EXOSC9: variants seen among roughly 807,000 people sequenced by gnomAD.
The protein encoded by EXOSC9 is exosome complex component RRP45.
In EXOSC9, 38 loss-of-function variants were observed where a neutral mutation model predicts 56.5. The ratio of observed to expected loss-of-function variants is 0.67; its 90% CI spans 0.52 to 0.88. EXOSC9 has a LOEUF of 0.88. EXOSC9 is among the 40% of genes least tolerant of loss of function. EXOSC9 has a pLI of 0.00. For missense variants in EXOSC9, 559 were observed against 530.5 expected (o/e 1.05, Z -0.53); for synonymous variants, 170 against 170.8 (o/e 0.99, Z 0.04).
chr4:121,809,848 A>C, intron 6 of EXOSC9, 119 bp from the exon 7 acceptor site: 1 of 1,142,488 alleles, frequency 8.8e-7, no homozygotes, highest in Non-Finnish European at 1.3e-6. Context: ...CCAAATCCGT[A>C]GGCTCAGACC....
At position 121,809,988 on chromosome 4, in the gene EXOSC9, C is replaced by T; in HGVS notation, c.627C>T (p.Pro209=). Residue 209 remains proline, a synonymous_variant, in exon 7 of 12, where the codon CCC becomes CCT. Coordinates refer to ENST00000243498, the MANE Select transcript of EXOSC9 (RefSeq NM_005033.3). ...TCAGAACATATTTATTGGTGGATCC[C>T]AATGAACGAGAAGAACGTGTGATGG... The part of the protein sequence containing the change: ...FQQGTYLLVD[P]NEREERVMDG... The T allele has an allele frequency of 6.2e-7, 1 of 1,614,028 alleles. No individual in the cohort carries two copies.
intron 5 of EXOSC9, among the ~76,000 whole-genome samples, chr4:121,807,184 G>A (rs923406252): frequency 1.3e-5 from 2 of 152,138 alleles, no homozygotes; most frequent in South Asian, 4.1e-4. Context: ...CACCTACTTG[G>A]GAGGCTGACA....
At chr4:121,803,602 G>A (rs2149034273) in intron 4 of EXOSC9, among the ~76,000 whole-genome samples, 1 of 152,216 alleles carries the variant, frequency 6.6e-6, no homozygotes, top group Non-Finnish European at 1.5e-5. Flanking sequence ...GTGCAGTGGT[G>A]CAATCTCAGC....
chr4:121,815,922 A>C, intron 10 of EXOSC9: 5 of 1,217,370 alleles, frequency 4.1e-6, no homozygotes, highest in Non-Finnish European at 5.1e-6. Context: ...TGAGTTCTAG[A>C]GTGCTCTAAG....
chr4:121,804,146 G>T (rs550287157), intron 4 of EXOSC9, among the ~76,000 whole-genome samples: 1 of 151,186 alleles, frequency 6.6e-6, no homozygotes, highest in Admixed American at 6.6e-5. Context: ...GACTATAGGC[G>T]CGTGCCACTC....
intron 6 of EXOSC9, chr4:121,807,828 T>C: frequency 1.7e-6 from 1 of 584,924 alleles, no homozygotes; most frequent in Non-Finnish European, 3.0e-6. Context: ...ATGAAGATAC[T>C]TCCCAACATT....
At chr4:121,813,819 C>A in intron 9 of EXOSC9, 47 bp from the exon 10 acceptor site, 1 of 1,316,894 alleles carries the variant, frequency 7.6e-7, no homozygotes, top group Non-Finnish European at 1.1e-6. Flanking sequence ...TTCAACAGTT[C>A]ATCAAATAGC....
At chr4:121,814,757 A>T (rs555940470) in intron 10 of EXOSC9, 1 of 152,366 alleles carries the variant, frequency 6.6e-6, no homozygotes, top group South Asian at 2.1e-4. Flanking sequence ...GTATTAGAAC[A>T]TAAAAAAATT....
At chr4:121,814,197 TG>T (rs1724387373) in intron 10 of EXOSC9, 150 bp downstream of exon 10, 1 of 499,978 alleles carries the variant, frequency 2.0e-6, no homozygotes, top group Non-Finnish European at 3.5e-6. Flanking sequence ...AGATGTATAG[TG>T]GATAAATAAC....
At chr4:121,813,189 AC>A (rs1724314816) in intron 8 of EXOSC9, 44 bp from the exon 9 acceptor site, 7 of 1,564,442 alleles carry the variant, frequency 4.5e-6, no homozygotes, top group Non-Finnish European at 6.1e-6. Context: ...CCAATCTGTT[AC>A]CTTCCTCCCC....
In EXOSC9 at chr4:121,802,775, C is replaced by T. The variant is rs774633962; in HGVS notation, c.263C>T (p.Pro88Leu). Residue 88 changes from proline to leucine, a missense_variant, in exon 3 of 12, where the codon CCA (proline) becomes CTA (leucine). Physicochemically the swap from Pro to Leu is moderately conservative, Grantham distance 98. Transcript: ENST00000243498. ...CTTGAACTCTCTCAGATGGCCGCTC[C>T]AGCTTTCGAACCTGGCAGGTATTTA... ...FNLELSQMAA[P>L]AFEPGRQSDL... 26 of 1,613,978 alleles carry T rather than the reference C, an allele frequency of 1.6e-5. No individual in the cohort carries two copies. The Admixed American group carries it at 2.3e-4, about 14-fold the overall frequency.
chr4:121,811,549 G>A (rs551349240), intron 7 of EXOSC9, 34 bp from the exon 8 acceptor site: 2 of 1,282,102 alleles, frequency 1.6e-6, no homozygotes, highest in African/African-American at 3.0e-5. Flanking sequence ...TTGGTTTATT[G>A]TCTTTAAACA....
At position 121,816,982 on chromosome 4, in the gene EXOSC9, T is replaced by C; in HGVS notation, c.*126T>C. On this transcript the variant is annotated 3_prime_UTR_variant, in exon 12 of 12. Coordinates refer to ENST00000243498, the MANE Select transcript of EXOSC9 (RefSeq NM_005033.3). Reference sequence around the variant, plus strand: ...TAGCAGGATTTTAAAAATAGTTTTTTGTTTTTAATGTGCTTTAAAATAATA... The same window carrying C: ...TAGCAGGATTTTAAAAATAGTTTTTCGTTTTTAATGTGCTTTAAAATAATA... 1 of 967,958 alleles carries C rather than the reference T, an allele frequency of 1.0e-6. No individual in the cohort carries two copies. Among genetic ancestry groups the C allele is most frequent in the Non-Finnish European group, 1.4e-6 (1 of 689,702 alleles). 60.0% of individuals were successfully genotyped at this position (967,958 alleles called of 1,614,324 possible).
At chr4:121,812,313 A>AT (rs1172967387) in intron 8 of EXOSC9, among the ~76,000 whole-genome samples, 1 of 151,914 alleles carries the variant, frequency 6.6e-6, no homozygotes, top group Non-Finnish European at 1.5e-5. Flanking sequence ...CTTTTAATAT[A>AT]TTTTTTTTCT....
At chr4:121,807,479 G>T (rs1223658996) in intron 5 of EXOSC9, 61 bp from the exon 6 acceptor site, 2 of 965,750 alleles carry the variant, frequency 2.1e-6, no homozygotes, top group African/African-American at 3.3e-5. Flanking sequence ...TGTGCAAGAT[G>T]ATTTTTTTGG....
intron 5 of EXOSC9, among the ~76,000 whole-genome samples, chr4:121,806,423 G>A (rs1461866898): frequency 6.6e-6 from 1 of 151,720 alleles, no homozygotes; most frequent in African/African-American, 2.4e-5. Context: ...GATTACAGAC[G>A]TGAGCCACTG....
chr4:121,806,045 T>C (rs1727012334), intron 5 of EXOSC9, among the ~76,000 whole-genome samples: 1 of 152,234 alleles, frequency 6.6e-6, no homozygotes, highest in African/African-American at 2.4e-5. Context: ...GCTCAAGTGA[T>C]CCTCCCACCT....
intron 7 of EXOSC9, among the ~76,000 whole-genome samples, chr4:121,811,345 TG>T: frequency 6.6e-6 from 1 of 152,344 alleles, no homozygotes; most frequent in East Asian, 1.9e-4. Context: ...GCCTCTTCTG[TG>T]GTATCTTTTA....
In EXOSC9 at chr4:121,812,807, T is replaced by C. The variant is rs568991883; in HGVS notation, c.828-427T>C. ...TGCCTGGAGACATAAGATTTTTCTT[T>C]AGCAGTTAACATTTTCTTAGGATAA... On this transcript the variant is annotated intron_variant, in intron 8 of 11. Transcript: ENST00000243498. Among the ~76,000 whole-genome samples, 29 of 152,302 alleles carry C rather than the reference T, an allele frequency of 1.9e-4. No homozygotes were observed. In the South Asian group the frequency reaches 4.4e-3, roughly 23 times the overall value.
Sources: allele counts gnomAD v4.1 joint callset (sites outside exome capture counted in the v4.1 genomes callset), GRCh38; gene constraint gnomAD v4.1.1; transcripts MANE v1.5; gene names NCBI Gene and HGNC (gene_info 2026-07-23, HGNC 2026-07-21).